Variants in ADAM22 observed in about 807,000 individuals in gnomAD.
ADAM22 encodes disintegrin and metalloproteinase domain-containing protein 22.
Under a neutral mutation model 144.6 loss-of-function variants are expected in ADAM22, and 65 were observed. That is an observed-to-expected ratio of 0.45 (90% CI 0.37 to 0.55). The LOEUF is 0.55. Among genes scored for constraint, ADAM22 ranks in the 20% least tolerant of loss-of-function variants. The probability of loss-of-function intolerance (pLI) is 0.00; values close to 1 mark genes in which losing one functional copy is unlikely to be tolerated. For missense variants in ADAM22, 974 were observed against 1,184.9 expected (o/e 0.82, Z 2.61); for synonymous variants, 391 against 412.6 (o/e 0.95, Z 0.63).
At chr7:88,070,475 C>T (rs569097413) in intron 3 of ADAM22, among the ~76,000 whole-genome samples, 1 of 152,200 alleles carries the variant, frequency 6.6e-6, no homozygotes, top group East Asian at 1.9e-4. Context: ...ATCTTACTGG[C>T]AGCACCTTGG....
At chr7:88,145,631 A>G (rs1836171823) in intron 17 of ADAM22, 124 bp downstream of exon 17, 1 of 723,860 alleles carries the variant, frequency 1.4e-6, no homozygotes, top group South Asian at 1.8e-5. Flanking sequence ...AGTAAGTGCC[A>G]GGTGCTTTAT....
chr7:88,173,377 G>A (rs1161233219), intron 26 of ADAM22, among the ~76,000 whole-genome samples: 1 of 151,944 alleles, frequency 6.6e-6, no homozygotes, highest in African/African-American at 2.4e-5. Context: ...TTTGATATAT[G>A]TCAACACAAC....
chr7:88,034,902 G>T (rs879941882), intron 3 of ADAM22, among the ~76,000 whole-genome samples: 1 of 152,134 alleles, frequency 6.6e-6, no homozygotes, highest in Admixed American at 6.5e-5. Flanking sequence ...GTGGGGAAGG[G>T]TTGCTGTTGG....
chr7:88,039,464 A>AT (rs1554420478), intron 3 of ADAM22, among the ~76,000 whole-genome samples: 4,908 of 76,080 alleles, frequency 0.065, 421 homozygotes, highest in Middle Eastern at 0.12. Flanking sequence ...AAAAAAAAAA[A>AT]ATATATATAT....
intron 3 of ADAM22, among the ~76,000 whole-genome samples, chr7:88,048,136 G>A (rs1049756660): frequency 5.3e-5 from 8 of 151,786 alleles, no homozygotes; most frequent in South Asian, 2.1e-4. Context: ...TGTGCTGATC[G>A]GCAGCCTACT....
At chr7:87,987,327 T>C (rs1003325061) in intron 3 of ADAM22, among the ~76,000 whole-genome samples, 1 of 152,052 alleles carries the variant, frequency 6.6e-6, no homozygotes, top group African/African-American at 2.4e-5. Flanking sequence ...TACAGGTGTG[T>C]GCCACCATGC....
At chr7:88,133,083 C>T (rs1586031175) in intron 12 of ADAM22, 132 bp downstream of exon 12, 2 of 744,334 alleles carry the variant, frequency 2.7e-6, no homozygotes, top group Non-Finnish European at 4.3e-6. Flanking sequence ...AGTATGGTGG[C>T]CTGGCACAAT....
At chr7:87,934,658 A>C in intron 1 of ADAM22, 108 bp downstream of exon 1, 2 of 733,486 alleles carry the variant, frequency 2.7e-6, no homozygotes, top group Non-Finnish European at 1.9e-6. Context: ...GTGCGCGGGG[A>C]GATTTTTTTT....
chr7:88,012,695 A>C (rs1184399096), intron 3 of ADAM22, among the ~76,000 whole-genome samples: 1 of 152,152 alleles, frequency 6.6e-6, no homozygotes, highest in Non-Finnish European at 1.5e-5. Flanking sequence ...TAAGGTATGG[A>C]GGAAGAGCAA....
chr7:87,983,601 ATAAT>A (rs936691808), intron 3 of ADAM22, among the ~76,000 whole-genome samples: 1 of 152,268 alleles, frequency 6.6e-6, no homozygotes, highest in African/African-American at 2.4e-5. Flanking sequence ...TGAATGGCAA[ATAAT>A]TAGAGTTTTT....
intron 21 of ADAM22, among the ~76,000 whole-genome samples, chr7:88,154,933 G>T (rs1161179250): frequency 6.6e-6 from 1 of 151,906 alleles, no homozygotes; most frequent in Non-Finnish European, 1.5e-5. Context: ...CTCTTCACAA[G>T]ATATTTTAAA....
intron 7 of ADAM22, among the ~76,000 whole-genome samples, chr7:88,122,941 C>T (rs1239163615): frequency 6.6e-6 from 1 of 152,152 alleles, no homozygotes; most frequent in Non-Finnish European, 1.5e-5. Context: ...GTAGTTTTAT[C>T]AGTCTGCTAT....
At chr7:87,966,613 G>A (rs1307488594) in intron 2 of ADAM22, among the ~76,000 whole-genome samples, 1 of 151,468 alleles carries the variant, frequency 6.6e-6, no homozygotes, top group Non-Finnish European at 1.5e-5. Context: ...CACCTTGGCA[G>A]CCAGGGAATC....
chr7:88,135,038 C>T (rs1832669530), intron 13 of ADAM22, among the ~76,000 whole-genome samples: 2 of 152,008 alleles, frequency 1.3e-5, no homozygotes, highest in East Asian at 1.9e-4. Context: ...CTTTGGGAGG[C>T]TGAGGCAGGC....
At chr7:88,184,924 T>C (rs1847938801) in intron 29 of ADAM22, among the ~76,000 whole-genome samples, 1 of 152,184 alleles carries the variant, frequency 6.6e-6, no homozygotes, top group African/African-American at 2.4e-5. Context: ...GTTTCTAAGA[T>C]TGTCAGTGAA....
intron 4 of ADAM22, among the ~76,000 whole-genome samples, chr7:88,095,870 T>C (rs890794783): frequency 1.3e-5 from 2 of 152,156 alleles, no homozygotes; most frequent in African/African-American, 4.8e-5. Flanking sequence ...TTGCCTTGAC[T>C]CTTTTACTTG....
chr7:88,053,437 C>T (rs1438873643), intron 3 of ADAM22, among the ~76,000 whole-genome samples: 1 of 151,790 alleles, frequency 6.6e-6, no homozygotes, highest in African/African-American at 2.4e-5. Context: ...CCACTGCACT[C>T]TAGCCAGGGG....
Position 88,198,029 on chromosome 7 carries a change from G to C in ADAM22, c.*1538G>C, listed in dbSNP as rs577635944. 3 of 152,294 alleles carry C rather than the reference G, an allele frequency of 2.0e-5. No homozygotes were observed. Among genetic ancestry groups the C allele is most frequent in the African/African-American group, 7.2e-5 (3 of 41,548 alleles). The allele number at this position is 152,294 out of a possible 1,614,324, so 9.4% of individuals were successfully genotyped here. A position where few individuals can be genotyped will look rare whatever the true frequency, so the allele number is the denominator to read the frequency against. On this transcript the variant is annotated 3_prime_UTR_variant, in exon 32 of 32. Coordinates refer to ENST00000413139, the MANE Select transcript of ADAM22 (RefSeq NM_001324418.2). ...TTCCAAAAGAAAGCTAGCTACCCTA[G>C]TGAGGCTGGAGATTGATGGGCTCAA...
intron 3 of ADAM22, among the ~76,000 whole-genome samples, chr7:87,982,667 TTACATATA>T (rs1562916162): frequency 7.1e-5 from 1 of 14,058 alleles, no homozygotes; most frequent in Admixed American, 1.1e-3. Flanking sequence ...GATTCAGTTA[TTACATATA>T]TATATATATA....
Sources: allele counts gnomAD v4.1 joint callset (sites outside exome capture counted in the v4.1 genomes callset), GRCh38; gene constraint gnomAD v4.1.1; transcripts MANE v1.5; gene names NCBI Gene and HGNC (gene_info 2026-07-23, HGNC 2026-07-21).